The following RET variants were observed in gnomAD, a reference collection of about 807,000 sequenced individuals.
RET encodes the protein ret proto-oncogene, also known as proto-oncogene tyrosine-protein kinase receptor Ret.
Under a neutral mutation model 118.3 loss-of-function variants are expected in RET, and 19 were observed. The observed-to-expected ratio is 0.16, with a 90% confidence interval of 0.11 to 0.24. RET has a LOEUF of 0.24. Ranked by LOEUF, RET falls within the 10% of genes least tolerant of loss-of-function variation. RET has a pLI of 1.00. For missense variants in RET, 1,219 were observed against 1,502.1 expected (o/e 0.81, Z 3.12); for synonymous variants, 597 against 644.1 (o/e 0.93, Z 1.11).
At chr10:43,113,754 G>A in intron 10 of RET, 79 bp downstream of exon 10, 1 of 1,580,968 alleles carries the variant, frequency 6.3e-7, no homozygotes, top group South Asian at 1.1e-5. Context: ...GTCCCAACAA[G>A]GGAGGAAATT....
chr10:43,080,235 A>G lies in RET; in HGVS notation c.73+2904A>G, dbSNP rs1239807592. Among the ~76,000 whole-genome samples, 3 of 152,340 alleles carry G rather than the reference A, an allele frequency of 2.0e-5. No individual in the cohort carries two copies. The East Asian group carries it at 5.8e-4, about 29-fold the overall frequency. Reference sequence around the variant, plus strand: ...TGTTAAAATGGAACCTGGGGTGCCAAGGGGAAGGGAAGGCCCGGAAGCTGC... The same window carrying G: ...TGTTAAAATGGAACCTGGGGTGCCAGGGGGAAGGGAAGGCCCGGAAGCTGC... On this transcript the variant is annotated intron_variant, in intron 1 of 19. Coordinates refer to ENST00000355710, the MANE Select transcript of RET (RefSeq NM_020975.6).
At chr10:43,110,846 C>T (rs1020639552) in intron 6 of RET, among the ~76,000 whole-genome samples, 15 of 152,102 alleles carry the variant, frequency 9.9e-5, no homozygotes, top group African/African-American at 1.4e-4. Flanking sequence ...GGAGACATTC[C>T]GGCGGCTTTG....
intron 6 of RET, 76 bp downstream of exon 6, chr10:43,109,306 A>G (rs756616212): frequency 5.3e-5 from 76 of 1,440,978 alleles, no homozygotes; most frequent in Non-Finnish European, 7.1e-5. Flanking sequence ...GGCAGGTGAC[A>G]CTGCCTCTTG....
intron 17 of RET, 120 bp downstream of exon 17, chr10:43,123,928 G>C: frequency 6.7e-7 from 1 of 1,482,840 alleles, no homozygotes. Flanking sequence ...GTGGGGAGTG[G>C]GCAGGGCAGA....
At chr10:43,125,101 C>CAG (rs1353720678) in intron 18 of RET, 119 bp downstream of exon 18, 5 of 925,668 alleles carry the variant, frequency 5.4e-6, no homozygotes, top group East Asian at 2.6e-5. Flanking sequence ...TGGGATTGTG[C>CAG]AGAGAGAGAG....
chr10:43,108,722 A>G (rs1243226833), intron 5 of RET, among the ~76,000 whole-genome samples: 2 of 152,154 alleles, frequency 1.3e-5, no homozygotes, highest in Admixed American at 1.3e-4. Context: ...ACACTTACAC[A>G]TACCACACAC....
At chr10:43,093,727 G>T in intron 1 of RET, among the ~76,000 whole-genome samples, 1 of 152,334 alleles carries the variant, frequency 6.6e-6, no homozygotes, top group South Asian at 2.1e-4. Flanking sequence ...GGAGGGGCCG[G>T]CCTGAGCATG....
chr10:43,081,755 A>G (rs1837188689), intron 1 of RET, among the ~76,000 whole-genome samples: 1 of 152,186 alleles, frequency 6.6e-6, no homozygotes, highest in Non-Finnish European at 1.5e-5. Flanking sequence ...AGAAGGCCCC[A>G]GGCCCACCAG....
chr10:43,089,553 A>C (rs577361958), intron 1 of RET, among the ~76,000 whole-genome samples: 1 of 152,216 alleles, frequency 6.6e-6, no homozygotes, highest in Non-Finnish European at 1.5e-5. Context: ...TAGGAAGTGC[A>C]TGTCCGTTCT....
intron 15 of RET, among the ~76,000 whole-genome samples, chr10:43,120,629 C>T (rs571448425): frequency 9.8e-5 from 15 of 152,368 alleles, no homozygotes; most frequent in African/African-American, 3.4e-4. Context: ...AGTGAGGCTT[C>T]TCCCGCACAG....
At chr10:43,105,336 C>T (rs1476321896) in intron 4 of RET, 143 bp downstream of exon 4, 54 of 1,318,616 alleles carry the variant, frequency 4.1e-5, no homozygotes, top group Non-Finnish European at 5.5e-5. Flanking sequence ...CCGTCTGCGC[C>T]GTCTGTCCTA....
chr10:43,103,811 A>G (rs1393402539), intron 3 of RET, among the ~76,000 whole-genome samples: 3 of 152,192 alleles, frequency 2.0e-5, no homozygotes, highest in Admixed American at 2.0e-4. Context: ...AAAGCATTAT[A>G]TGATAAGCAT....
chr10:43,099,141 C>G (rs906097986), intron 1 of RET, among the ~76,000 whole-genome samples: 7 of 152,186 alleles, frequency 4.6e-5, no homozygotes, highest in Admixed American at 3.9e-4. Flanking sequence ...AGGCTAGCAT[C>G]CTGCCTTCTT....
chr10:43,114,075 GT>G lies in RET; in HGVS notation c.1880-401del. Among the ~76,000 whole-genome samples the G allele has an allele frequency of 6.6e-6, 1 of 152,312 alleles. No homozygotes were observed. Among genetic ancestry groups the G allele is most frequent in the Non-Finnish European group, 1.5e-5 (1 of 68,020 alleles). On this transcript the variant is annotated intron_variant, in intron 10 of 19. Coordinates refer to ENST00000355710, the MANE Select transcript of RET (RefSeq NM_020975.6). This position sits in a 1 kb window ranked among gnomAD's most constrained non-coding sequence, Gnocchi z 4.6. ...CATAGGGACACGTTTCTGTCATTGA[GT>G]TTTCTGGTATTATATAGCCCTACGT... is the stretch of plus-strand genomic sequence containing the variant.
Position 43,109,158 on chromosome 10 carries a change from G to C in RET, c.1191G>C (p.Val397=), listed in dbSNP as rs1351206662. ...GVLLLHFNVS[V]LPVSLHLPST... ...TCTTGCTCCACTTCAACGTGTCGGT[G>C]CTGCCGGTCAGCCTGCACCTGCCCA... Residue 397 remains valine, a synonymous_variant, in exon 6 of 20, where the codon GTG becomes GTC. Coordinates refer to ENST00000355710, the MANE Select transcript of RET (RefSeq NM_020975.6). 1 of 1,613,810 alleles carries C rather than the reference G, an allele frequency of 6.2e-7. No individual in the cohort carries two copies. The highest frequency in any genetic ancestry group is 1.7e-5 in the Admixed American group (1 of 60,030).
intron 1 of RET, among the ~76,000 whole-genome samples, chr10:43,081,523 C>G (rs975222525): frequency 6.6e-6 from 1 of 152,130 alleles, no homozygotes; most frequent in Non-Finnish European, 1.5e-5. Context: ...AGGCAGGGAG[C>G]ACACCTCAGT....
chr10:43,077,413 C>G, intron 1 of RET, 82 bp downstream of exon 1: 1 of 1,437,554 alleles, frequency 7.0e-7, no homozygotes, highest in East Asian at 3.0e-5. Flanking sequence ...TTCAGAAGCG[C>G]CTTTCTGTTT....
chr10:43,103,012 A>G (rs1189183886), intron 3 of RET, among the ~76,000 whole-genome samples: 3 of 141,920 alleles, frequency 2.1e-5, no homozygotes, highest in Non-Finnish European at 1.6e-5. Context: ...TTGGGTGGTC[A>G]GGGTGGGGGC....
rs1297953850 is a variant in RET, at chr10:43,119,540, T to A, written c.2402T>A (p.Leu801His). The change falls in exon 14 of 20, where the codon CTC becomes CAC. Residue 801 changes from leucine to histidine, a missense_variant. Leu to His is a moderately conservative substitution (Grantham distance 99). This residue lies in a region of RET where 850 missense variants were observed against 969.6 expected (regional missense o/e 0.88). Transcript: ENST00000355710. ...YGACSQDGPLLLIVEYAKYGS... is the reference protein window; with the variant it reads ...YGACSQDGPLHLIVEYAKYGS... Reference sequence around the variant, plus strand: ...CTCTCTCCGCCCCCAGGCCCGCTCCTCCTCATCGTGGAGTACGCCAAATAC... The same window carrying A: ...CTCTCTCCGCCCCCAGGCCCGCTCCACCTCATCGTGGAGTACGCCAAATAC... 1 of 1,602,478 alleles carries A rather than the reference T, an allele frequency of 6.2e-7. No homozygotes were observed. Among genetic ancestry groups the A allele is most frequent in the Admixed American group, 1.7e-5 (1 of 59,166 alleles).
Sources: allele counts gnomAD v4.1 joint callset (sites outside exome capture counted in the v4.1 genomes callset), GRCh38; gene constraint gnomAD v4.1.1; regional missense constraint gnomAD v4.1.1; non-coding constraint Gnocchi (gnomAD v3.1); transcripts MANE v1.5; gene names NCBI Gene and HGNC (gene_info 2026-07-23, HGNC 2026-07-21).